The following PTP4A1 variants were observed in gnomAD, a reference collection of about 807,000 sequenced individuals.
PTP4A1 encodes the protein protein tyrosine phosphatase type IVA 1.
PTP4A1 carries 9 observed loss-of-function variants against 20.5 expected under a neutral mutation model. The observed-to-expected ratio is 0.44, with a 90% CI of 0.26 to 0.77. The LOEUF is 0.77. PTP4A1 is among the 30% of genes least tolerant of loss of function. The pLI is 0.19. For synonymous variants in PTP4A1, 78 were observed against 67.4 expected, an observed-to-expected ratio of 1.16 and a Z score of -0.77; for missense variants, 137 against 218.8, an observed-to-expected ratio of 0.63 and a Z score of 2.36.
At chr6:63,542,781 A>G (rs1369385382) in intron 2 of PTP4A1, among the ~76,000 whole-genome samples, 1 of 152,006 alleles carries the variant, frequency 6.6e-6, no homozygotes, top group Non-Finnish European at 1.5e-5. Context: ...CTTCTTCACA[A>G]ATCCTACATC....
chr6:63,560,459 T>C (rs578164354), intron 3 of PTP4A1, among the ~76,000 whole-genome samples: 1 of 149,330 alleles, frequency 6.7e-6, no homozygotes, highest in Admixed American at 6.7e-5. Context: ...TGGAAGGCAG[T>C]GCACATGATC....
intron 5 of PTP4A1, 34 bp downstream of exon 5, chr6:63,579,365 C>T: frequency 6.7e-7 from 1 of 1,487,820 alleles, no homozygotes; most frequent in Non-Finnish European, 9.2e-7. Context: ...TTTGTACTCT[C>T]TTTCATTTCC....
At chr6:63,562,556 C>T (rs1347044423) in intron 3 of PTP4A1, among the ~76,000 whole-genome samples, 1 of 152,136 alleles carries the variant, frequency 6.6e-6, no homozygotes, top group Non-Finnish European at 1.5e-5. Flanking sequence ...GTGATATCAC[C>T]CACTATGAGT....
At chr6:63,577,957 G>A (rs1777975705) in intron 2 of PTP4A1, among the ~76,000 whole-genome samples, 1 of 147,936 alleles carries the variant, frequency 6.8e-6, no homozygotes, top group South Asian at 2.1e-4. Flanking sequence ...AATGGTATGT[G>A]GGCTTTTTTA....
At chr6:63,557,399 C>A (rs1776737406) in intron 3 of PTP4A1, among the ~76,000 whole-genome samples, 2 of 152,010 alleles carry the variant, frequency 1.3e-5, no homozygotes, top group Admixed American at 6.6e-5. Flanking sequence ...AACCCTGTCT[C>A]TACTAAAAAT....
At chr6:63,530,470 G>A (rs1427220735) in intron 2 of PTP4A1, among the ~76,000 whole-genome samples, 2 of 152,066 alleles carry the variant, frequency 1.3e-5, no homozygotes, top group Admixed American at 6.6e-5. Context: ...AGGCTTAGAC[G>A]CCCAGATGTA....
chr6:63,572,358 C>G (rs1211560863), upstream of PTP4A1: 6 of 295,842 alleles, frequency 2.0e-5, no homozygotes, highest in East Asian at 3.3e-4. Flanking sequence ...GAGTGACGTC[C>G]GGAGGGGGCG....
At chr6:63,577,650 G>A (rs1339417041) in intron 2 of PTP4A1, among the ~76,000 whole-genome samples, 1 of 151,872 alleles carries the variant, frequency 6.6e-6, no homozygotes, top group African/African-American at 2.4e-5. Flanking sequence ...TCTGCCTCCC[G>A]GGTTCAAGCA....
At chr6:63,528,383 C>A (rs1775280801) in intron 2 of PTP4A1, among the ~76,000 whole-genome samples, 1 of 151,552 alleles carries the variant, frequency 6.6e-6, no homozygotes, top group South Asian at 2.1e-4. Context: ...ATCGCTTGAG[C>A]CCAGCAATTA....
chr6:63,557,942 T>G (rs1581934625), intron 3 of PTP4A1, among the ~76,000 whole-genome samples: 1 of 151,594 alleles, frequency 6.6e-6, no homozygotes, highest in Admixed American at 6.6e-5. Flanking sequence ...CAGGCTGGAG[T>G]GCAGGGGTGC....
chr6:63,550,786 G>A (rs1025394527), intron 3 of PTP4A1, among the ~76,000 whole-genome samples: 7 of 151,852 alleles, frequency 4.6e-5, no homozygotes, highest in South Asian at 2.1e-4. Flanking sequence ...CACCATGCCC[G>A]TCTAATTTTT....
At chr6:63,579,620 A>G (rs1007898182) in intron 5 of PTP4A1, among the ~76,000 whole-genome samples, 2 of 152,206 alleles carry the variant, frequency 1.3e-5, no homozygotes, top group African/African-American at 4.8e-5. Flanking sequence ...ACATTTAAAG[A>G]TACAATAAAA....
intron 3 of PTP4A1, among the ~76,000 whole-genome samples, chr6:63,565,009 CTTTTTTG>C (rs1437123084): frequency 6.6e-6 from 1 of 152,070 alleles, no homozygotes; most frequent in African/African-American, 2.4e-5. Context: ...TCCATCATTT[CTTTTTTG>C]TTTTTCCTTG....
rs376423935 is a variant in PTP4A1 at position 63,576,991 on chromosome 6, A to G, written c.105+6A>G. 1.9e-6 allele frequency: 3 copies of G among 1,597,956 alleles called. No individual in the cohort carries two copies. The highest frequency in any genetic ancestry group is 2.6e-6 in the Non-Finnish European group (3 of 1,165,772). On this transcript the variant is annotated splice_donor_region_variant and intron_variant, in intron 2 of 5. Transcript: ENST00000626021. ...CCTTAAACAAATTTATAGAGGTAAGATTTGATATGTTTTAGTAGCTTAAAT... is the reference window on the plus strand; with the variant it reads ...CCTTAAACAAATTTATAGAGGTAAGGTTTGATATGTTTTAGTAGCTTAAAT...
chr6:63,582,104 G>A lies in PTP4A1; in HGVS notation c.*1930G>A, dbSNP rs1181451369. The A allele has an allele frequency of 6.6e-6, 1 of 151,914 alleles. No individual in the cohort carries two copies. Among genetic ancestry groups the A allele is most frequent in the Non-Finnish European group, 1.5e-5 (1 of 67,974 alleles). 9.4% of individuals were successfully genotyped at this position (151,914 alleles called of 1,614,324 possible). On this transcript the variant is annotated 3_prime_UTR_variant, in exon 6 of 6. Transcript: ENST00000626021. Reference sequence around the variant, plus strand: ...TTAGACAGGGCAAAAGGAAGAACAGGGGCCTCTGGAGGCCCTTGGTTATTT... The same window carrying A: ...TTAGACAGGGCAAAAGGAAGAACAGAGGCCTCTGGAGGCCCTTGGTTATTT...
At chr6:63,541,247 C>T (rs1375121619) in intron 2 of PTP4A1, among the ~76,000 whole-genome samples, 1 of 152,086 alleles carries the variant, frequency 6.6e-6, no homozygotes, top group Non-Finnish European at 1.5e-5. Context: ...CTCTTAGCCT[C>T]CCTCTTAGCC....
rs2149520033 is a variant in PTP4A1 at position 63,581,967 on chromosome 6, T to C, written c.*1793T>C. On this transcript the variant is annotated 3_prime_UTR_variant, in exon 6 of 6. Transcript: ENST00000626021. The stretch of plus-strand genomic sequence containing the variant: ...TCTAATTTTTTTTGAATAGCAGTTA[T>C]AAATGTAAAGGACTCAAAGTTTAAG... 6.6e-6 allele frequency: 1 copy of C among 152,306 alleles called. No homozygotes were observed. Among genetic ancestry groups the C allele is most frequent in the South Asian group, 2.1e-4 (1 of 4,832 alleles). 9.4% of individuals were successfully genotyped at this position (152,306 alleles called of 1,614,324 possible). A position where few individuals can be genotyped will look rare whatever the true frequency, so the allele number is the denominator to read the frequency against.
chr6:63,554,689 A>C (rs1362266759), intron 3 of PTP4A1, among the ~76,000 whole-genome samples: 1 of 152,172 alleles, frequency 6.6e-6, no homozygotes. Flanking sequence ...GGAGAGGCTG[A>C]GGCACAAGAG....
In PTP4A1 at chr6:63,582,270, CCA is replaced by C. The variant is rs763561170; in HGVS notation, c.*2101_*2102del. On this transcript the variant is annotated 3_prime_UTR_variant, in exon 6 of 6. Coordinates refer to ENST00000626021, the MANE Select transcript of PTP4A1 (RefSeq NM_003463.5). Reference sequence around the variant, plus strand: ...TCAATTACTAAATGTTAAACTATTACCACACAGCCCATAAAACAGCATTTGCG... The same window carrying C: ...TCAATTACTAAATGTTAAACTATTACCACAGCCCATAAAACAGCATTTGCG... 194 of 152,370 alleles carry C rather than the reference CCA, an allele frequency of 1.3e-3. 1 individual carries two copies. Among genetic ancestry groups the C allele is most frequent in the African/African-American group, 4.1e-3 (171 of 41,418 alleles). 9.4% of individuals were successfully genotyped at this position (152,370 alleles called of 1,614,324 possible).
Sources: gnomAD v4.1 joint callset for allele counts (sites outside exome capture counted in the v4.1 genomes callset) on GRCh38, gnomAD v4.1.1 for gene constraint, MANE v1.5 for transcripts, NCBI Gene and HGNC (gene_info 2026-07-23, HGNC 2026-07-21) for gene names.